EPB41L5: variants seen among roughly 807,000 people sequenced by gnomAD.
EPB41L5 encodes band 4.1-like protein 5.
EPB41L5 carries 55 observed loss-of-function variants against 106.6 expected under a neutral mutation model. That is an observed-to-expected ratio of 0.52 (90% CI 0.42 to 0.65). EPB41L5 has a LOEUF of 0.65. EPB41L5 is among the 30% of genes least tolerant of loss of function. The pLI is 0.00. For missense variants in EPB41L5, 871 were observed against 882.1 expected, an observed-to-expected ratio of 0.99 and a Z score of 0.16; for synonymous variants, 297 against 306.7, an observed-to-expected ratio of 0.97 and a Z score of 0.33.
chr2:120,106,962 C>T, intron 16 of EPB41L5: 1 of 889,208 alleles, frequency 1.1e-6, no homozygotes, highest in Non-Finnish European at 1.3e-6. Context: ...AGTATACAAA[C>T]ACTAATATTG....
At chr2:120,144,422 G>C (rs965644491) in intron 19 of EPB41L5, among the ~76,000 whole-genome samples, 3 of 152,280 alleles carry the variant, frequency 2.0e-5, no homozygotes, top group South Asian at 4.1e-4. Context: ...AGAACAGCCT[G>C]AATGGACTAA....
intron 17 of EPB41L5, 60 bp downstream of exon 17, chr2:120,127,911 A>C (rs1009690898): frequency 1.4e-6 from 2 of 1,395,132 alleles, no homozygotes; most frequent in South Asian, 3.3e-5. Flanking sequence ...GAAATAAGAT[A>C]TTTAAATCAG....
chr2:120,037,753 A>C (rs1679134622), intron 2 of EPB41L5, among the ~76,000 whole-genome samples: 1 of 152,230 alleles, frequency 6.6e-6, no homozygotes, highest in Admixed American at 6.5e-5. Context: ...AAATATGGTA[A>C]AATGATTTTT....
At chr2:120,079,692 G>C (rs539275943) in intron 10 of EPB41L5, among the ~76,000 whole-genome samples, 1 of 152,160 alleles carries the variant, frequency 6.6e-6, no homozygotes, top group East Asian at 1.9e-4. Flanking sequence ...ATTTGTTTTT[G>C]TTCTAGAGTT....
intron 16 of EPB41L5, among the ~76,000 whole-genome samples, chr2:120,122,692 G>GT (rs1685277493): frequency 1.3e-5 from 2 of 152,312 alleles, no homozygotes; most frequent in Admixed American, 1.3e-4. Flanking sequence ...CTTTAAAGTA[G>GT]TTTTTTCCAA....
At chr2:120,157,495 A>T (rs535605697) in intron 20 of EPB41L5, among the ~76,000 whole-genome samples, 1 of 152,294 alleles carries the variant, frequency 6.6e-6, no homozygotes, top group African/African-American at 2.4e-5. Flanking sequence ...GAGGCTGGGC[A>T]TAGTGACTCA....
At chr2:120,075,576 A>G in intron 6 of EPB41L5, 56 bp downstream of exon 6, 2 of 1,438,724 alleles carry the variant, frequency 1.4e-6, no homozygotes, top group Non-Finnish European at 1.9e-6. Flanking sequence ...TTGAAAAATT[A>G]TTTTGAAAAT....
At chr2:120,041,735 CAA>C (rs1553492723) in intron 2 of EPB41L5, among the ~76,000 whole-genome samples, 2 of 152,118 alleles carry the variant, frequency 1.3e-5, no homozygotes, top group Non-Finnish European at 2.9e-5. Context: ...TACACACACA[CAA>C]ATATTTGTAT....
chr2:120,164,183 C>T (rs1279461028), intron 21 of EPB41L5, among the ~76,000 whole-genome samples: 2 of 151,370 alleles, frequency 1.3e-5, no homozygotes, highest in African/African-American at 2.4e-5. Context: ...GGAGTTTCAC[C>T]GTGTTAGCCA....
At chr2:120,102,328 G>A (rs1455135216) in intron 16 of EPB41L5, among the ~76,000 whole-genome samples, 2 of 152,040 alleles carry the variant, frequency 1.3e-5, no homozygotes, top group African/African-American at 4.8e-5. Flanking sequence ...GAAAAATTTG[G>A]AGCTGTGTGT....
At chr2:120,131,986 T>G (rs1007081396) in intron 18 of EPB41L5, among the ~76,000 whole-genome samples, 44 of 152,144 alleles carry the variant, frequency 2.9e-4, no homozygotes, top group African/African-American at 9.4e-4. Context: ...TTATTTTGAT[T>G]GACCCAGTCT....
chr2:120,045,696 C>T (rs1320333279), intron 3 of EPB41L5, among the ~76,000 whole-genome samples: 3 of 151,864 alleles, frequency 2.0e-5, no homozygotes, highest in Non-Finnish European at 4.4e-5. Flanking sequence ...ACTTTAAGTT[C>T]TAGGATACAT....
chr2:120,077,087 T>G lies in EPB41L5; in HGVS notation c.622T>G (p.Tyr208Asp). The G allele has an allele frequency of 1.2e-6, 2 of 1,611,102 alleles. No individual in the cohort carries two copies. The highest frequency in any genetic ancestry group is 1.7e-6 in the Non-Finnish European group (2 of 1,178,804). ...GGCTATTTTTGAGAAATGGAAGGAA[T>G]ACAGGTATCTGGCGTTTGACCATAC... ...ELAIFEKWKE[Y>D]RGQTPAQAET... Residue 208 changes from tyrosine (Y) to aspartate (D), a missense_variant, in exon 8 of 25, where the codon TAC becomes GAC. Tyr to Asp is a radical substitution (Grantham distance 160, BLOSUM62 -3). Transcript: ENST00000263713.
chr2:120,032,924 A>G (rs1201267105), intron 2 of EPB41L5, among the ~76,000 whole-genome samples: 1 of 152,228 alleles, frequency 6.6e-6, no homozygotes, highest in Non-Finnish European at 1.5e-5. Flanking sequence ...CATCTAACAC[A>G]TAATAGGTGT....
chr2:120,155,056 C>A (rs1435198492), intron 20 of EPB41L5, among the ~76,000 whole-genome samples: 2 of 152,124 alleles, frequency 1.3e-5, no homozygotes, highest in African/African-American at 2.4e-5. Context: ...AAAATACTTA[C>A]TTTTATGCTT....
chr2:120,076,193 T>C (rs550563802), intron 7 of EPB41L5, among the ~76,000 whole-genome samples: 23 of 152,234 alleles, frequency 1.5e-4, no homozygotes, highest in Admixed American at 3.3e-4. Context: ...CTCCCCCCGA[T>C]TTTTTTTAGT....
At chr2:120,021,212 C>T (rs112624184) in intron 2 of EPB41L5, among the ~76,000 whole-genome samples, 5 of 151,988 alleles carry the variant, frequency 3.3e-5, no homozygotes, top group African/African-American at 4.8e-5. Flanking sequence ...TGGTGGCATG[C>T]GCCTGTAGTC....
chr2:120,099,745 C>G (rs1243895725), intron 14 of EPB41L5, among the ~76,000 whole-genome samples: 1 of 152,072 alleles, frequency 6.6e-6, no homozygotes, highest in East Asian at 1.9e-4. Flanking sequence ...AATTTTAGAA[C>G]GTGTTTATAA....
chr2:120,024,692 C>T (rs1019366915), intron 2 of EPB41L5, among the ~76,000 whole-genome samples: 1 of 152,136 alleles, frequency 6.6e-6, no homozygotes, highest in Non-Finnish European at 1.5e-5. Flanking sequence ...GTCTCCTGAC[C>T]TCATGATCCG....
Sources: gnomAD v4.1 joint callset for allele counts (sites outside exome capture counted in the v4.1 genomes callset) on GRCh38, gnomAD v4.1.1 for gene constraint, MANE v1.5 for transcripts, NCBI Gene and HGNC (gene_info 2026-07-23, HGNC 2026-07-21) for gene names.